The following SLC47A2 variants were observed in gnomAD, a reference collection of about 807,000 sequenced individuals.
The protein encoded by SLC47A2 is solute carrier family 47 member 2.
A neutral mutation model predicts 67.7 loss-of-function variants in SLC47A2; 52 were observed. The ratio of observed to expected loss-of-function variants is 0.77; its 90% confidence interval spans 0.61 to 0.97. The LOEUF (loss-of-function observed/expected upper bound fraction) is 0.97, where lower values mean the gene tolerates loss of function less well. Ranked by LOEUF, SLC47A2 falls within the 50% of genes least tolerant of loss-of-function variation. SLC47A2 has a pLI of 0.00. For synonymous variants in SLC47A2, 278 were observed against 292.9 expected, an observed-to-expected ratio of 0.95 and a Z score of 0.52; for missense variants, 676 against 712.3, an observed-to-expected ratio of 0.95 and a Z score of 0.58.
chr17:19,678,598 A>G lies in SLC47A2; in HGVS notation c.*88T>C, dbSNP rs1030323811. 1.5e-4 allele frequency: 201 copies of G among 1,364,124 alleles called. 2 individuals are homozygous for G. Among genetic ancestry groups the G allele is most frequent in the Non-Finnish European group, 1.7e-4 (168 of 963,658 alleles). The allele number at this position is 1,364,124 out of a possible 1,614,324, so 84.5% of individuals were successfully genotyped here. On this transcript the variant is annotated 3_prime_UTR_variant, in exon 17 of 17. Coordinates refer to ENST00000433844, the MANE Select transcript of SLC47A2 (RefSeq NM_001099646.3). Reference sequence around the variant, plus strand: ...GGTTCAAAGTGTCCACCTGCACTAGACCCCATTGGTGTTTTTGCAGGGCAG... The same window carrying G: ...GGTTCAAAGTGTCCACCTGCACTAGGCCCCATTGGTGTTTTTGCAGGGCAG...
Position 19,692,395 on chromosome 17 carries a change from G to A in SLC47A2, c.1164+10210C>T, listed in dbSNP as rs144620894. ...CTGACCATAAAGAAGAAAATTAAAG[G>A]AAATATGAAGAGCAACTTCATGCAA... On this transcript the variant is annotated intron_variant, in intron 13 of 16. Coordinates refer to ENST00000433844, the MANE Select transcript of SLC47A2 (RefSeq NM_001099646.3). 1.4e-5 allele frequency: 5 copies of A among 367,178 alleles called. No individual in the cohort carries two copies. The East Asian group carries it at 4.5e-4, about 33-fold the overall frequency. The allele number at this position is 367,178 out of a possible 1,614,324, so 22.7% of individuals were successfully genotyped here.
rs752018243 is a variant in SLC47A2, at chr17:19,706,625, G to A, written c.841+23C>T. ...GGGTGAGCCGCCCACACGCCATTGC[G>A]CCCCCCATCCTCTTCCACGTACCCA... On this transcript the variant is annotated intron_variant, in intron 9 of 16. Coordinates refer to ENST00000433844, the MANE Select transcript of SLC47A2 (RefSeq NM_001099646.3). 4.4e-5 allele frequency: 68 copies of A among 1,544,796 alleles called. No homozygotes were observed. The East Asian group carries it at 9.0e-4, about 20-fold the overall frequency.
chr17:19,684,962 C>T (rs867848341), intron 13 of SLC47A2, among the ~76,000 whole-genome samples: 4 of 152,078 alleles, frequency 2.6e-5, no homozygotes, highest in South Asian at 4.1e-4. Flanking sequence ...TCTCCTGCCC[C>T]GGCCTGCCGA....
chr17:19,714,546 G>A lies in SLC47A2; in HGVS notation c.294+175C>T, dbSNP rs2086197220. On this transcript the variant is annotated intron_variant, in intron 3 of 16. Coordinates refer to ENST00000433844, the MANE Select transcript of SLC47A2 (RefSeq NM_001099646.3). ...TGGCCCAGACTCTTTCAAAGGGGAG[G>A]GTCTGTTTCCCTGACAGCCTGTGGT... is the stretch of plus-strand genomic sequence containing the variant. 4 of 712,634 alleles carry A rather than the reference G, an allele frequency of 5.6e-6. No homozygotes were observed. In the East Asian group the frequency reaches 7.4e-5, roughly 13 times the overall value. 44.1% of individuals were successfully genotyped at this position (712,634 alleles called of 1,614,324 possible).
rs552634533 is a variant in SLC47A2, at chr17:19,696,839, G to T, written c.1164+5766C>A. 2.6e-5 allele frequency among the ~76,000 whole-genome samples: 4 copies of T among 152,302 alleles called. No homozygotes were observed. The South Asian group carries it at 8.3e-4, about 32-fold the overall frequency. ...TATTTGGCTCACGGTTCTGGAGGCT[G>T]GGAAGTCCCAGATCAAGTGACAACA... On this transcript the variant is annotated intron_variant, in intron 13 of 16. Coordinates refer to ENST00000433844, the MANE Select transcript of SLC47A2 (RefSeq NM_001099646.3).
In SLC47A2 at chr17:19,685,093, G is replaced by A. The variant is rs919222061; in HGVS notation, c.1165-3423C>T. Among the ~76,000 whole-genome samples the A allele has an allele frequency of 5.4e-5, 8 of 147,942 alleles. No homozygotes were observed. Among genetic ancestry groups the A allele is most frequent in the African/African-American group, 1.1e-4 (4 of 37,424 alleles). On this transcript the variant is annotated intron_variant, in intron 13 of 16. Transcript: ENST00000433844. This position sits in a 1 kb window ranked among gnomAD's most constrained non-coding sequence, Gnocchi z 4.5. ...GCTCCTAGCCTCGGGTGAAGTGCCCGCCTCGGCCTCCTGAGGTGCTGGGAT... is the reference window on the plus strand; with the variant it reads ...GCTCCTAGCCTCGGGTGAAGTGCCCACCTCGGCCTCCTGAGGTGCTGGGAT...
At chr17:19,698,982 C>A (rs1456871664) in intron 13 of SLC47A2, among the ~76,000 whole-genome samples, 1 of 152,144 alleles carries the variant, frequency 6.6e-6, no homozygotes, top group Non-Finnish European at 1.5e-5. Context: ...AAATTCTCTG[C>A]CGTTTTATAT....
rs1243555240 is a variant in SLC47A2 at position 19,712,879 on chromosome 17, A to C, written c.444-134T>G. 7.9e-5 allele frequency: 62 copies of C among 784,794 alleles called. No individual in the cohort carries two copies. The East Asian group carries it at 1.7e-3, about 21-fold the overall frequency. The allele number at this position is 784,794 out of a possible 1,614,324, so 48.6% of individuals were successfully genotyped here. ...TCAGCCAGGACTGTGAAACCTCAGC[A>C]TCAGGGGCTGCTGCTTCCAGATGGT... On this transcript the variant is annotated intron_variant, in intron 4 of 16. Transcript: ENST00000433844.
chr17:19,697,744 T>G (rs1003021806), intron 13 of SLC47A2, among the ~76,000 whole-genome samples: 75 of 150,236 alleles, frequency 5.0e-4, no homozygotes, highest in African/African-American at 1.6e-3. Context: ...TGCACCACTA[T>G]GCCCAGCTTT....
At position 19,685,133 on chromosome 17, in the gene SLC47A2, C is replaced by T. The variant is rs878944358; in HGVS notation, c.1165-3463G>A. ...GGTGCTGGGATTGCAGACGGAGTCT[C>T]GCTCACTCAATGCTCAATGTTGCCC... On this transcript the variant is annotated intron_variant, in intron 13 of 16. Coordinates refer to ENST00000433844, the MANE Select transcript of SLC47A2 (RefSeq NM_001099646.3). The surrounding 1 kb of genome is among the most constrained non-coding windows in gnomAD (Gnocchi z 4.5). Among the ~76,000 whole-genome samples the T allele has an allele frequency of 6.6e-5, 10 of 152,260 alleles. No homozygotes were observed. Among genetic ancestry groups the T allele is most frequent in the South Asian group, 2.1e-4 (1 of 4,826 alleles).
intron 16 of SLC47A2, among the ~76,000 whole-genome samples, chr17:19,679,309 A>G (rs2085260872): frequency 6.6e-6 from 1 of 152,240 alleles, no homozygotes; most frequent in Non-Finnish European, 1.5e-5. Flanking sequence ...GGATTAGCCC[A>G]GGATGGATGA....
intron 13 of SLC47A2, chr17:19,702,177 G>C: frequency 1.0e-6 from 1 of 985,156 alleles, no homozygotes; most frequent in Non-Finnish European, 1.2e-6. Context: ...GATCAAAGGA[G>C]CAGAAAGTCC....
chr17:19,706,641 C>T lies in SLC47A2; in HGVS notation c.841+7G>A, dbSNP rs960111938. 6 of 1,588,560 alleles carry T rather than the reference C, an allele frequency of 3.8e-6. No homozygotes were observed. The highest frequency in any genetic ancestry group is 5.1e-6 in the Non-Finnish European group (6 of 1,170,644). ...CGCCATTGCGCCCCCCATCCTCTTCCACGTACCCATGAGGAAGCTCCCGAT... is the reference window on the plus strand; with the variant it reads ...CGCCATTGCGCCCCCCATCCTCTTCTACGTACCCATGAGGAAGCTCCCGAT... On this transcript the variant is annotated splice_region_variant and intron_variant, in intron 9 of 16. Coordinates refer to ENST00000433844, the MANE Select transcript of SLC47A2 (RefSeq NM_001099646.3).
intron 13 of SLC47A2, among the ~76,000 whole-genome samples, chr17:19,682,868 T>C (rs2085346479): frequency 1.3e-5 from 2 of 152,252 alleles, no homozygotes; most frequent in Non-Finnish European, 1.5e-5. Context: ...GAAAAAGTAC[T>C]GTTTATTTCA....
intron 13 of SLC47A2, among the ~76,000 whole-genome samples, chr17:19,684,481 C>G (rs374881543): frequency 6.6e-6 from 1 of 151,906 alleles, no homozygotes; most frequent in Non-Finnish European, 1.5e-5. Flanking sequence ...AGAAAGGTCT[C>G]GAATCAATGA....
chr17:19,681,900 G>A (rs1224136155), intron 13 of SLC47A2, among the ~76,000 whole-genome samples: 1 of 152,160 alleles, frequency 6.6e-6, no homozygotes, highest in Non-Finnish European at 1.5e-5. Context: ...CAACCCTACA[G>A]TACTCAGGCT....
chr17:19,691,538 G>A (rs898010112), intron 13 of SLC47A2, among the ~76,000 whole-genome samples: 1 of 152,160 alleles, frequency 6.6e-6, no homozygotes, highest in Non-Finnish European at 1.5e-5. Context: ...GTTTGTAGGA[G>A]ACATAAATTA....
rs922053190 is a variant in SLC47A2 at position 19,685,876 on chromosome 17, A to G, written c.1165-4206T>C. Among the ~76,000 whole-genome samples, 1 of 152,270 alleles carries G rather than the reference A, an allele frequency of 6.6e-6. No individual in the cohort carries two copies. The highest frequency in any genetic ancestry group is 2.4e-5 in the African/African-American group (1 of 41,484). The stretch of plus-strand genomic sequence containing the variant: ...GATATAAATAGAAACAACAAAGTTA[A>G]GAAACAGCAGGGGATGAAGTTAAAG... On this transcript the variant is annotated intron_variant, in intron 13 of 16. Coordinates refer to ENST00000433844, the MANE Select transcript of SLC47A2 (RefSeq NM_001099646.3). This position sits in a 1 kb window ranked among gnomAD's most constrained non-coding sequence, Gnocchi z 4.5.
intron 13 of SLC47A2, among the ~76,000 whole-genome samples, chr17:19,693,965 A>C (rs943872379): frequency 6.6e-6 from 1 of 152,240 alleles, no homozygotes; most frequent in Non-Finnish European, 1.5e-5. Flanking sequence ...TAATCAAAAA[A>C]TCAATTGATT....
Sources: allele counts gnomAD v4.1 joint callset (sites outside exome capture counted in the v4.1 genomes callset), GRCh38; gene constraint gnomAD v4.1.1; non-coding constraint Gnocchi (gnomAD v3.1); transcripts MANE v1.5; gene names NCBI Gene and HGNC (gene_info 2026-07-23, HGNC 2026-07-21).